The following DPYSL3 variants were observed in gnomAD, a reference collection of about 807,000 sequenced individuals.
DPYSL3 encodes the protein dihydropyrimidinase-related protein 3.
In DPYSL3, 16 loss-of-function variants were observed where a neutral mutation model predicts 66.1. That is an observed-to-expected ratio of 0.24 (90% CI 0.16 to 0.37). The LOEUF (loss-of-function observed/expected upper bound fraction) is 0.37, where lower values mean the gene tolerates loss of function less well. Among genes scored for constraint, DPYSL3 ranks in the 10% least tolerant of loss-of-function variants. The pLI is 1.00. For missense variants in DPYSL3, 738 were observed against 916.2 expected (o/e 0.81, Z 2.51); for synonymous variants, 338 against 345.1 (o/e 0.98, Z 0.23).
At chr5:147,426,664 C>T (rs1056747091) in intron 1 of DPYSL3, among the ~76,000 whole-genome samples, 11 of 152,220 alleles carry the variant, frequency 7.2e-5, no homozygotes, top group African/African-American at 2.6e-4. Flanking sequence ...AGAACGTCAG[C>T]TTTCAAAGAG....
chr5:147,490,723 A>G (rs957946720), intron 1 of DPYSL3, among the ~76,000 whole-genome samples: 1 of 152,236 alleles, frequency 6.6e-6, no homozygotes, highest in Non-Finnish European at 1.5e-5. Context: ...ACAGATACAG[A>G]GAATCACATA....
chr5:147,400,650 T>A, intron 10 of DPYSL3, 42 bp downstream of exon 10: 3 of 1,604,136 alleles, frequency 1.9e-6, no homozygotes, highest in Non-Finnish European at 2.6e-6. Context: ...GGCCCATGGA[T>A]GTTTTGGCTC....
At chr5:147,412,469 CCT>C (rs2152020724) in intron 6 of DPYSL3, 137 bp downstream of exon 6, 1 of 761,292 alleles carries the variant, frequency 1.3e-6, no homozygotes, top group Admixed American at 2.3e-5. Flanking sequence ...TTGTGAGGTA[CCT>C]TGGAGCAGGT....
In DPYSL3 at chr5:147,393,157, A is replaced by C. The variant is rs994058434; in HGVS notation, c.*878T>G. 2 of 152,150 alleles carry C rather than the reference A, an allele frequency of 1.3e-5. No homozygotes were observed. The highest frequency in any genetic ancestry group is 2.9e-5 in the Non-Finnish European group (2 of 68,036). 9.4% of individuals were successfully genotyped at this position (152,150 alleles called of 1,614,324 possible). ...GCCGTGTTTAGAAGGAAGCGTCTTT[A>C]AGCTGTGGGTGCCCTCACCACGTGG... On this transcript the variant is annotated 3_prime_UTR_variant, in exon 14 of 14. Coordinates refer to ENST00000343218, the MANE Select transcript of DPYSL3 (RefSeq NM_001197294.2).
chr5:147,394,291 T>C (rs893160995), intron 13 of DPYSL3, among the ~76,000 whole-genome samples, 168 bp from the exon 14 acceptor site: 1 of 152,194 alleles, frequency 6.6e-6, no homozygotes, highest in Non-Finnish European at 1.5e-5. Flanking sequence ...CTTCTAGACT[T>C]TTCTTATGGC....
intron 1 of DPYSL3, among the ~76,000 whole-genome samples, chr5:147,439,291 A>G (rs944576359): frequency 2.6e-5 from 4 of 152,076 alleles, no homozygotes; most frequent in Admixed American, 2.6e-4. Flanking sequence ...CTGGGAAGAG[A>G]GTCTGGGACA....
At chr5:147,489,017 AAAAAAAAAAAG>A (rs949529384) in intron 1 of DPYSL3, among the ~76,000 whole-genome samples, 19 of 151,066 alleles carry the variant, frequency 1.3e-4, no homozygotes, top group African/African-American at 4.6e-4. Flanking sequence ...CTTCATCTAA[AAAAAAAAAAAG>A]AAAAAGAAAA....
chr5:147,434,028 C>A (rs1167879420), intron 1 of DPYSL3, among the ~76,000 whole-genome samples: 87 of 137,578 alleles, frequency 6.3e-4, no homozygotes, highest in Admixed American at 8.7e-4. Flanking sequence ...AACTCCGTCT[C>A]AAAAAAAAAA....
intron 1 of DPYSL3, among the ~76,000 whole-genome samples, chr5:147,450,745 C>T (rs1752712764): frequency 6.6e-6 from 1 of 151,972 alleles, no homozygotes; most frequent in Non-Finnish European, 1.5e-5. Flanking sequence ...TATCTTGGAC[C>T]CAAAACAGTG....
intron 1 of DPYSL3, among the ~76,000 whole-genome samples, chr5:147,445,095 T>C (rs1752606523): frequency 1.3e-5 from 2 of 152,206 alleles, no homozygotes; most frequent in South Asian, 4.1e-4. Flanking sequence ...AAGGTCTGCA[T>C]TAATTCTTTC....
intron 1 of DPYSL3, among the ~76,000 whole-genome samples, chr5:147,442,894 T>C (rs4705171): frequency 0.52 from 78,404 of 151,914 alleles, 20,695 homozygotes; most frequent in Non-Finnish European, 0.56. Flanking sequence ...TGGTTCTCTC[T>C]GAGTAATTTC....
At chr5:147,459,863 C>G (rs907825871) in intron 1 of DPYSL3, among the ~76,000 whole-genome samples, 1 of 152,174 alleles carries the variant, frequency 6.6e-6, no homozygotes, top group Non-Finnish European at 1.5e-5. Flanking sequence ...GTAATGCCAG[C>G]ACTTTGGGAG....
intron 1 of DPYSL3, among the ~76,000 whole-genome samples, chr5:147,483,100 A>G (rs1420762660): frequency 6.6e-6 from 1 of 152,136 alleles, no homozygotes; most frequent in East Asian, 1.9e-4. Context: ...GCAAAACCAT[A>G]TGGCGGTGCT....
At chr5:147,495,681 C>T (rs1753491108) in intron 1 of DPYSL3, among the ~76,000 whole-genome samples, 1 of 152,116 alleles carries the variant, frequency 6.6e-6, no homozygotes, top group South Asian at 2.1e-4. Context: ...CCTAGGAATC[C>T]AACTTACAAG....
chr5:147,493,275 A>C (rs1753442754), intron 1 of DPYSL3, among the ~76,000 whole-genome samples: 1 of 152,246 alleles, frequency 6.6e-6, no homozygotes, highest in African/African-American at 2.4e-5. Flanking sequence ...TTTCTATCAG[A>C]AATGGACAGA....
At chr5:147,435,473 G>A (rs964135120) in intron 1 of DPYSL3, among the ~76,000 whole-genome samples, 3 of 152,092 alleles carry the variant, frequency 2.0e-5, no homozygotes, top group Non-Finnish European at 2.9e-5. Flanking sequence ...CAATGGTATC[G>A]ATGCAAGAAA....
chr5:147,418,391 C>A (rs908882498), intron 3 of DPYSL3, 56 bp downstream of exon 3: 2 of 1,488,680 alleles, frequency 1.3e-6, no homozygotes, highest in Non-Finnish European at 1.8e-6. Flanking sequence ...GGAGATAACA[C>A]ATTCATTAAA....
At chr5:147,426,067 G>T (rs1336151081) in intron 1 of DPYSL3, among the ~76,000 whole-genome samples, 1 of 151,834 alleles carries the variant, frequency 6.6e-6, no homozygotes, top group Non-Finnish European at 1.5e-5. Flanking sequence ...TCATTCCCAG[G>T]TCATTGATTT....
chr5:147,407,861 GT>G, intron 7 of DPYSL3, among the ~76,000 whole-genome samples: 1 of 152,156 alleles, frequency 6.6e-6, no homozygotes. Flanking sequence ...ATGGGTGCTA[GT>G]TATACTAGTA....
Sources: allele counts gnomAD v4.1 joint callset (sites outside exome capture counted in the v4.1 genomes callset), GRCh38; gene constraint gnomAD v4.1.1; transcripts MANE v1.5; gene names NCBI Gene and HGNC (gene_info 2026-07-23, HGNC 2026-07-21).